The following DOP1B variants were observed in gnomAD, a reference collection of about 807,000 sequenced individuals.
DOP1B encodes protein DOP1B.
In DOP1B, 174 loss-of-function variants were observed where a neutral mutation model predicts 233.5. The observed-to-expected ratio is 0.75, with a 90% CI of 0.66 to 0.85. DOP1B has a LOEUF of 0.85. Among genes scored for constraint, DOP1B ranks in the 40% least tolerant of loss-of-function variants. DOP1B has a pLI of 0.00. For synonymous variants in DOP1B, 1,190 were observed against 1,185.6 expected, an observed-to-expected ratio of 1.00 and a Z score of -0.08; for missense variants, 2,652 against 2,846.6, an observed-to-expected ratio of 0.93 and a Z score of 1.56.
chr21:36,170,780 T>G (rs1323841679), intron 2 of DOP1B, among the ~76,000 whole-genome samples: 2 of 149,884 alleles, frequency 1.3e-5, no homozygotes, highest in Non-Finnish European at 3.0e-5. Flanking sequence ...TAGTGCTGAG[T>G]GACAGAACAA....
In DOP1B at chr21:36,171,606, A is replaced by G. The variant is rs528318373; in HGVS notation, c.138+6735A>G. On this transcript the variant is annotated intron_variant, in intron 2 of 36. Coordinates refer to ENST00000691173, the MANE Select transcript of DOP1B (RefSeq NM_001320714.2). The stretch of plus-strand genomic sequence containing the variant: ...AGGCAGAGACCAGAAAGATGCATCT[A>G]CAAGCCAAGAAGTGCCAAAGAATGA... Among the ~76,000 whole-genome samples the G allele has an allele frequency of 9.7e-4, 147 of 152,328 alleles. 1 individual carries two copies. In the South Asian group the frequency reaches 0.029, roughly 30 times the overall value.
chr21:36,217,959 A>G (rs958620696), intron 9 of DOP1B, among the ~76,000 whole-genome samples: 1 of 152,206 alleles, frequency 6.6e-6, no homozygotes, highest in African/African-American at 2.4e-5. Context: ...TCCAGGTCGT[A>G]TTTTCTGGAA....
intron 2 of DOP1B, among the ~76,000 whole-genome samples, chr21:36,192,940 G>A (rs947928004): frequency 6.6e-6 from 1 of 151,988 alleles, no homozygotes; most frequent in Non-Finnish European, 1.5e-5. Flanking sequence ...TGCCCACCTT[G>A]GCCTCCCAAA....
chr21:36,285,893 A>T (rs1409792078), intron 32 of DOP1B, among the ~76,000 whole-genome samples: 2 of 151,964 alleles, frequency 1.3e-5, no homozygotes, highest in Non-Finnish European at 2.9e-5. Context: ...CTATAATCCC[A>T]GCTACTTGGG....
chr21:36,287,863 G>A (rs2268299), intron 32 of DOP1B, 151 bp from the exon 33 acceptor site: 382,822 of 942,940 alleles, frequency 0.41, 79,573 homozygotes, highest in Middle Eastern at 0.44. Context: ...GGGATTACAA[G>A]TGCGAGCCAC....
intron 17 of DOP1B, 58 bp from the exon 18 acceptor site, chr21:36,239,707 G>T: frequency 6.8e-7 from 1 of 1,472,282 alleles, no homozygotes; most frequent in South Asian, 1.4e-5. Context: ...TGTCTGCCAC[G>T]GTGCCTGGCG....
intron 16 of DOP1B, among the ~76,000 whole-genome samples, 195 bp downstream of exon 16, chr21:36,237,609 C>G (rs145428127): frequency 1.3e-5 from 2 of 152,296 alleles, no homozygotes; most frequent in African/African-American, 4.8e-5. Flanking sequence ...TTTTTACAGC[C>G]CTGGAAATGT....
chr21:36,237,547 G>A (rs1246078060), intron 16 of DOP1B, 133 bp downstream of exon 16: 2 of 1,202,652 alleles, frequency 1.7e-6, no homozygotes, highest in African/African-American at 3.0e-5. Flanking sequence ...AAAATAAGCA[G>A]AGGTGTTCTA....
chr21:36,167,896 A>C (rs374139607), intron 2 of DOP1B, among the ~76,000 whole-genome samples: 5 of 119,340 alleles, frequency 4.2e-5, no homozygotes, highest in African/African-American at 1.7e-4. Context: ...ATAATACTCT[A>C]TTGTATGGGT....
At chr21:36,273,898 ACCCCG>A (rs1394254848) in intron 27 of DOP1B, among the ~76,000 whole-genome samples, 2 of 151,908 alleles carry the variant, frequency 1.3e-5, no homozygotes, top group Non-Finnish European at 2.9e-5. Flanking sequence ...ACATGGTGAA[ACCCCG>A]TCTCTACTAA....
Position 36,209,039 on chromosome 21 carries a change from G to A in DOP1B, c.681+135G>A, listed in dbSNP as rs576774958. 10 of 1,032,846 alleles carry A rather than the reference G, an allele frequency of 9.7e-6. No homozygotes were observed. The African/African-American group carries it at 1.0e-4, about 10-fold the overall frequency. 64.0% of individuals were successfully genotyped at this position (1,032,846 alleles called of 1,614,324 possible). ...TGCACCAAGCTTAAGTCTGGGTAAC[G>A]AACGGCTGAGCAAGGCGAGAAGGAG... is the stretch of plus-strand genomic sequence containing the variant. On this transcript the variant is annotated intron_variant, in intron 5 of 36. Coordinates refer to ENST00000691173, the MANE Select transcript of DOP1B (RefSeq NM_001320714.2).
intron 7 of DOP1B, among the ~76,000 whole-genome samples, chr21:36,212,360 A>G (rs1308582834): frequency 1.3e-5 from 2 of 152,238 alleles, no homozygotes; most frequent in Non-Finnish European, 2.9e-5. Flanking sequence ...AGAGCTTGAA[A>G]TACCACCAAA....
chr21:36,274,875 C>T (rs867475239), intron 27 of DOP1B, among the ~76,000 whole-genome samples: 4 of 152,078 alleles, frequency 2.6e-5, no homozygotes, highest in Admixed American at 6.6e-5. Context: ...GATGGAGTCT[C>T]GCTCTGTTGC....
In DOP1B at chr21:36,278,032, C is replaced by T. The variant is rs777855885; in HGVS notation, c.5770C>T (p.Pro1924Ser). Residue 1924 changes from proline (P) to serine (S), a missense_variant, in exon 29 of 37, where the codon CCG (proline) becomes TCG (serine). Coordinates refer to ENST00000691173, the MANE Select transcript of DOP1B (RefSeq NM_001320714.2). Reference protein sequence around the residue: ...YRSDEKEKAVPLISRLLYYVF... With the variant: ...YRSDEKEKAVSLISRLLYYVF... Reference sequence around the variant, plus strand: ...AAGTGATGAGAAGGAGAAAGCTGTGCCGTTAATCTCCCGTCTGCTTTACTA... The same window carrying T: ...AAGTGATGAGAAGGAGAAAGCTGTGTCGTTAATCTCCCGTCTGCTTTACTA... 6.2e-7 allele frequency: 1 copy of T among 1,614,156 alleles called. No individual in the cohort carries two copies. Among genetic ancestry groups the T allele is most frequent in the Non-Finnish European group, 8.5e-7 (1 of 1,180,030 alleles).
Position 36,246,343 on chromosome 21 carries a change from C to T in DOP1B, c.4363C>T (p.Leu1455=). The part of the protein sequence containing the change: ...LQVLIVLEHH[L]GRAHEEAENQ... ...GGTGCTGATTGTCTTGGAACACCAC[C>T]TGGGTCGGGCCCATGAGGAGGCGGA... is the stretch of plus-strand genomic sequence containing the variant. The change falls in exon 19 of 37, where the codon CTG becomes TTG. Residue 1455 remains leucine (L), a synonymous_variant. Coordinates refer to ENST00000691173, the MANE Select transcript of DOP1B (RefSeq NM_001320714.2). The surrounding 1 kb of genome is among the most constrained non-coding windows in gnomAD (Gnocchi z 5.1). 1 of 1,613,820 alleles carries T rather than the reference C, an allele frequency of 6.2e-7. No individual in the cohort carries two copies. Among genetic ancestry groups the T allele is most frequent in the Non-Finnish European group, 8.5e-7 (1 of 1,179,960 alleles).
intron 15 of DOP1B, among the ~76,000 whole-genome samples, chr21:36,235,001 C>G (rs2066809867): frequency 6.6e-6 from 1 of 152,168 alleles, no homozygotes; most frequent in African/African-American, 2.4e-5. Context: ...TCAGAACCCT[C>G]TCTTCTAGCA....
At chr21:36,270,681 A>T (rs993744919) in intron 27 of DOP1B, among the ~76,000 whole-genome samples, 1 of 151,156 alleles carries the variant, frequency 6.6e-6, no homozygotes, top group Non-Finnish European at 1.5e-5. Context: ...TGGGAGGCCG[A>T]GGTGGGTGGA....
At chr21:36,263,493 T>C (rs2067196972) in intron 24 of DOP1B, 53 bp from the exon 25 acceptor site, 1 of 1,464,010 alleles carries the variant, frequency 6.8e-7, no homozygotes, top group African/African-American at 1.4e-5. Flanking sequence ...TATAAATAAA[T>C]GTATTTTGAC....
chr21:36,227,972 A>G (rs2066713301), intron 13 of DOP1B, 95 bp downstream of exon 13: 1 of 1,259,500 alleles, frequency 7.9e-7, no homozygotes, highest in Non-Finnish European at 1.1e-6. Flanking sequence ...TAGGATAGGA[A>G]TAAAGATGAG....
Sources: allele counts gnomAD v4.1 joint callset (sites outside exome capture counted in the v4.1 genomes callset), GRCh38; gene constraint gnomAD v4.1.1; non-coding constraint Gnocchi (gnomAD v3.1); transcripts MANE v1.5; gene names NCBI Gene and HGNC (gene_info 2026-07-23, HGNC 2026-07-21).